TOE1: variants seen among roughly 807,000 people sequenced by gnomAD.
TOE1 encodes target of EGR1, exonuclease, also known as target of EGR1 protein 1.
TOE1 carries 50 observed loss-of-function variants against 49.2 expected under a neutral mutation model. That is an observed-to-expected ratio of 1.02 (90% CI 0.81 to 1.29). The LOEUF is 1.29. Among genes scored for constraint, TOE1 ranks in the 50% most tolerant of loss-of-function variants. The probability of loss-of-function intolerance (pLI) is 0.00; values close to 1 mark genes in which losing one functional copy is unlikely to be tolerated. For synonymous variants in TOE1, 221 were observed against 247.0 expected (o/e 0.89, Z 0.99); for missense variants, 544 against 654.4 (o/e 0.83, Z 1.84).
Position 45,341,471 on chromosome 1 carries a change from A to G in TOE1, c.237-2A>G, listed in dbSNP as rs773776995. On this transcript the variant is annotated splice_acceptor_variant, in intron 3 of 7. Transcript: ENST00000372090. LOFTEE classifies it high-confidence loss of function. Reference sequence around the variant, plus strand: ...ACAGCAACCCCCATACCCAACCCCAAGGTGCATTGAGGAACGTTACAAGGC... The same window carrying G: ...ACAGCAACCCCCATACCCAACCCCAGGGTGCATTGAGGAACGTTACAAGGC... 10 of 1,613,952 alleles carry G rather than the reference A, an allele frequency of 6.2e-6. No homozygotes were observed. The highest frequency in any genetic ancestry group is 3.3e-5 in the South Asian group (3 of 91,072).
At position 45,343,677 on chromosome 1, in the gene TOE1, T is replaced by C. The variant is rs1647094057; in HGVS notation, c.1508T>C (p.Met503Thr). 1.9e-6 allele frequency: 3 copies of C among 1,610,196 alleles called. No individual in the cohort carries two copies. Among genetic ancestry groups the C allele is most frequent in the Non-Finnish European group, 2.5e-6 (3 of 1,176,670 alleles). ...TCCTCCAAAGCCCACAATCAGAAGA[T>C]GAAGCTCACTTGGGGCAGTAGCTGA... ...SRSSKAHNQK[M>T]KLTWGSS The change falls in exon 8 of 8, where the codon ATG (methionine) becomes ACG (threonine). Residue 503 changes from methionine to threonine, a missense_variant. Physicochemically the swap from Met to Thr is moderately conservative, Grantham distance 81 (BLOSUM62 -1). Transcript: ENST00000372090. The surrounding 1 kb of genome is among the most constrained non-coding windows in gnomAD (Gnocchi z 4.3).
At chr1:45,341,832 C>A in intron 4 of TOE1, 117 bp from the exon 5 acceptor site, 1 of 1,132,724 alleles carries the variant, frequency 8.8e-7, no homozygotes, top group Non-Finnish European at 1.3e-6. Flanking sequence ...TATCCCTCAC[C>A]TGCCTCCATC....
Position 45,343,873 on chromosome 1 carries a change from G to T in TOE1, c.*171G>T. On this transcript the variant is annotated 3_prime_UTR_variant, in exon 8 of 8. Transcript: ENST00000372090. The surrounding 1 kb of genome is among the most constrained non-coding windows in gnomAD (Gnocchi z 4.3). ...CCAGTGTTTGAGGTACAAGTAAGAAGGCTGACCAGCACCTGTAACACTGAC... is the reference window on the plus strand; with the variant it reads ...CCAGTGTTTGAGGTACAAGTAAGAATGCTGACCAGCACCTGTAACACTGAC... 1 of 678,542 alleles carries T rather than the reference G, an allele frequency of 1.5e-6. No homozygotes were observed. Among genetic ancestry groups the T allele is most frequent in the Non-Finnish European group, 2.4e-6 (1 of 412,710 alleles). The allele number at this position is 678,542 out of a possible 1,614,324, so 42.0% of individuals were successfully genotyped here. A position where few individuals can be genotyped will look rare whatever the true frequency, so the allele number is the denominator to read the frequency against.
rs1487474771 is a variant in TOE1 at position 45,340,323 on chromosome 1, G to A, written c.52+19G>A. The stretch of plus-strand genomic sequence containing the variant: ...TCCGACGGTGAGCGGCTTCCCAGAG[G>A]TAGCCTTCAAAGCCTCTGCGCTCTG... On this transcript the variant is annotated intron_variant, in intron 1 of 7. Transcript: ENST00000372090. The A allele has an allele frequency of 6.2e-7, 1 of 1,608,878 alleles. No homozygotes were observed. The highest frequency in any genetic ancestry group is 8.5e-7 in the Non-Finnish European group (1 of 1,178,148).
intron 5 of TOE1, 106 bp from the exon 6 acceptor site, chr1:45,342,278 G>A: frequency 1.3e-6 from 2 of 1,535,858 alleles, no homozygotes; most frequent in Non-Finnish European, 8.8e-7. Flanking sequence ...CATTGGGTAA[G>A]GTAGAGAGAG....
chr1:45,342,354 C>G, intron 5 of TOE1, 30 bp from the exon 6 acceptor site: 1 of 1,609,214 alleles, frequency 6.2e-7, no homozygotes, highest in Non-Finnish European at 8.5e-7. Flanking sequence ...GGACTCTGTC[C>G]TCCTCATTGA....
chr1:45,341,943 T>G lies in TOE1; in HGVS notation c.334-6T>G, dbSNP rs574763186. On this transcript the variant is annotated splice_region_variant and splice_polypyrimidine_tract_variant and intron_variant, in intron 4 of 7. Transcript: ENST00000372090. ...TCTTGATATAGCAGACTTCTCTTTC[T>G]CCCAGGGTGAACATTCCTATCTGGC... 2 of 1,613,562 alleles carry G rather than the reference T, an allele frequency of 1.2e-6. No homozygotes were observed. Among genetic ancestry groups the G allele is most frequent in the South Asian group, 2.2e-5 (2 of 91,072 alleles).
chr1:45,341,708 A>G, intron 4 of TOE1, 139 bp downstream of exon 4: 1 of 869,096 alleles, frequency 1.2e-6, no homozygotes, highest in South Asian at 1.8e-5. Flanking sequence ...TTATTTGAAT[A>G]GGTTTATGGG....
chr1:45,340,628 G>A, intron 1 of TOE1: 1 of 1,297,170 alleles, frequency 7.7e-7, no homozygotes, highest in Non-Finnish European at 9.9e-7. Context: ...GGGAGCTCTG[G>A]TGTGGGGCAC....
At chr1:45,342,208 T>C in intron 5 of TOE1, 101 bp downstream of exon 5, 1 of 1,518,710 alleles carries the variant, frequency 6.6e-7, no homozygotes, top group Non-Finnish European at 9.0e-7. Context: ...TCTTAGGGAG[T>C]ATGGGGAATC....
At position 45,340,211 on chromosome 1, in the gene TOE1, C is replaced by T. The variant is rs1060504202; in HGVS notation, c.-42C>T. 6.2e-7 allele frequency: 1 copy of T among 1,613,756 alleles called. No individual in the cohort carries two copies. The highest frequency in any genetic ancestry group is 8.5e-7 in the Non-Finnish European group (1 of 1,180,012). On this transcript the variant is annotated 5_prime_UTR_variant, in exon 1 of 8. Transcript: ENST00000372090. The stretch of plus-strand genomic sequence containing the variant: ...CGCGCCAGGAGACGGACCGCAAGTC[C>T]AGCGTACCCACAGACGACTCAGGCG...
rs373495451 is a variant in TOE1 at position 45,343,181 on chromosome 1, C to T, written c.1012C>T (p.Arg338Trp). The change falls in exon 8 of 8, where the codon CGG (arginine) becomes TGG (tryptophan). Residue 338 changes from arginine (R) to tryptophan (W), a missense_variant. Transcript: ENST00000372090. The surrounding 1 kb of genome is among the most constrained non-coding windows in gnomAD (Gnocchi z 4.3). ...GGCTGCGGCAGAGGACAAGCGGCGA[C>T]GGCGACGACGTAGGGAAAAACGGAA... is the stretch of plus-strand genomic sequence containing the variant. ...DEAAAEDKRR[R>W]RRRREKRKRA... The T allele has an allele frequency of 6.2e-6, 10 of 1,613,868 alleles. No homozygotes were observed. The highest frequency in any genetic ancestry group is 3.3e-5 in the Admixed American group (2 of 60,006).
rs767287837 is a variant in TOE1 at position 45,343,411 on chromosome 1, A to G, written c.1242A>G (p.Ile414Met). Residue 414 changes from isoleucine to methionine, a missense_variant, in exon 8 of 8, where the codon ATA becomes ATG. Ile to Met is a conservative substitution (Grantham distance 10). Transcript: ENST00000372090. This position sits in a 1 kb window ranked among gnomAD's most constrained non-coding sequence, Gnocchi z 4.3. ...EMGIKAARPE[I>M]ADRATSEVPG... Reference sequence around the variant, plus strand: ...GGATTAAGGCAGCAAGGCCTGAAATAGCTGATAGAGCTACCTCAGAAGTGC... The same window carrying G: ...GGATTAAGGCAGCAAGGCCTGAAATGGCTGATAGAGCTACCTCAGAAGTGC... The G allele has an allele frequency of 6.2e-7, 1 of 1,614,124 alleles. No individual in the cohort carries two copies. The highest frequency in any genetic ancestry group is 8.5e-7 in the Non-Finnish European group (1 of 1,180,014).
intron 5 of TOE1, 22 bp downstream of exon 5, chr1:45,342,129 C>T (rs981003913): frequency 4.5e-5 from 72 of 1,611,974 alleles, no homozygotes; most frequent in Non-Finnish European, 5.9e-5. Context: ...GCCTCCCTAG[C>T]CTTGAGTCTG....
chr1:45,343,800 A>G lies in TOE1; in HGVS notation c.*98A>G. On this transcript the variant is annotated 3_prime_UTR_variant, in exon 8 of 8. Transcript: ENST00000372090. The surrounding 1 kb of genome is among the most constrained non-coding windows in gnomAD (Gnocchi z 4.3). The stretch of plus-strand genomic sequence containing the variant: ...CTGCTACTGAGTTTAGGGGAGGGGG[A>G]ATGTCTTGACAGACATCACTGCATT... 1.4e-6 allele frequency: 2 copies of G among 1,420,610 alleles called. No homozygotes were observed. Among genetic ancestry groups the G allele is most frequent in the Non-Finnish European group, 1.9e-6 (2 of 1,042,906 alleles). 88.0% of individuals were successfully genotyped at this position (1,420,610 alleles called of 1,614,324 possible).
At chr1:45,341,652 AT>A (rs1646988921) in intron 4 of TOE1, 83 bp downstream of exon 4, 5 of 1,249,706 alleles carry the variant, frequency 4.0e-6, no homozygotes, top group Non-Finnish European at 5.5e-6. Flanking sequence ...GATAGGAAGC[AT>A]TTCTCTCCCA....
At chr1:45,340,363 C>G (rs1384280413) in intron 1 of TOE1, 59 bp downstream of exon 1, 1 of 1,570,554 alleles carries the variant, frequency 6.4e-7, no homozygotes, top group Non-Finnish European at 8.6e-7. Flanking sequence ...AGGGGAAGGC[C>G]TCGGGCTCAT....
chr1:45,340,623 C>G (rs999592959), intron 1 of TOE1: 30 of 1,305,712 alleles, frequency 2.3e-5, no homozygotes, highest in Non-Finnish European at 2.8e-5. Context: ...GTATTGGGAG[C>G]TCTGGTGTGG....
In TOE1 at chr1:45,343,036, G is replaced by T; in HGVS notation, c.912+34G>T. 1 of 1,613,664 alleles carries T rather than the reference G, an allele frequency of 6.2e-7. No individual in the cohort carries two copies. The highest frequency in any genetic ancestry group is 8.5e-7 in the Non-Finnish European group (1 of 1,179,778). On this transcript the variant is annotated intron_variant, in intron 7 of 7. Coordinates refer to ENST00000372090, the MANE Select transcript of TOE1 (RefSeq NM_025077.4). The surrounding 1 kb of genome is among the most constrained non-coding windows in gnomAD (Gnocchi z 4.3). ...ACCCACCTGTTTCTTGGGAGGGAAG[G>T]TTCTGATGCCTGGAGCCTCTTTCTA... is the stretch of plus-strand genomic sequence containing the variant.
Sources: allele counts gnomAD v4.1 joint callset, GRCh38; gene constraint gnomAD v4.1.1; non-coding constraint Gnocchi (gnomAD v3.1); transcripts MANE v1.5; gene names NCBI Gene and HGNC (gene_info 2026-07-23, HGNC 2026-07-21).